Variants in RNF115 observed in about 807,000 individuals in gnomAD.
RNF115 encodes ring finger protein 115.
RNF115 carries 31 observed loss-of-function variants against 39.2 expected under a neutral mutation model. That is an observed-to-expected ratio of 0.79 (90% CI 0.59 to 1.07). The LOEUF is 1.07. RNF115 is among the 50% of genes least tolerant of loss of function. The probability of loss-of-function intolerance (pLI) is 0.00; values close to 1 mark genes in which losing one functional copy is unlikely to be tolerated. For synonymous variants in RNF115, 124 were observed against 131.0 expected (o/e 0.95, Z 0.37); for missense variants, 384 against 381.7 (o/e 1.01, Z -0.05).
intron 1 of RNF115, among the ~76,000 whole-genome samples, chr1:145,805,759 C>A (rs113036329): frequency 2.0e-5 from 3 of 151,952 alleles, no homozygotes; most frequent in Admixed American, 2.0e-4. Flanking sequence ...ATCACTAAAC[C>A]GTAGCTAGCA....
intron 1 of RNF115, 139 bp from the exon 2 acceptor site, chr1:145,789,105 T>TTC (rs1316641826): frequency 3.4e-6 from 2 of 586,438 alleles, no homozygotes; most frequent in Non-Finnish European, 6.0e-6. Context: ...AGTTTTTGTT[T>TTC]TTTTTTTTCT....
At chr1:145,805,317 A>C (rs12122368) in intron 1 of RNF115, among the ~76,000 whole-genome samples, 1 of 151,814 alleles carries the variant, frequency 6.6e-6, no homozygotes, top group African/African-American at 2.4e-5. Context: ...AAAACAATTA[A>C]TTAACTGAAT....
chr1:145,799,541 AG>A lies in RNF115; in HGVS notation c.103-10576del, dbSNP rs1325356164. On this transcript the variant is annotated intron_variant, in intron 1 of 8. Transcript: ENST00000582693. ...GCATCTTTGCCATGTTCCTGATGTT[AG>A]GGGGAAAGCTTTCGGTCTTTCACCA... 1.4e-4 allele frequency among the ~76,000 whole-genome samples: 17 copies of A among 120,578 alleles called. No individual in the cohort carries two copies. In the Admixed American group the frequency reaches 2.0e-3, roughly 14 times the overall value. 79.1% of individuals were successfully genotyped at this position (120,578 alleles called of 152,430 possible).
chr1:145,821,384 C>T lies in RNF115; in HGVS notation c.102+2388G>A, dbSNP rs587711674. 3.6e-4 allele frequency among the ~76,000 whole-genome samples: 47 copies of T among 129,238 alleles called. 7 individuals are homozygous for T. The highest frequency in any genetic ancestry group is 1.0e-3 in the African/African-American group (39 of 37,962). 84.8% of individuals were successfully genotyped at this position (129,238 alleles called of 152,430 possible). A position where few individuals can be genotyped will look rare whatever the true frequency, so the allele number is the denominator to read the frequency against. The stretch of plus-strand genomic sequence containing the variant: ...CACCTATTCAGCTTTTCAAATTATC[C>T]CTTTGAAGTAAGGACTTAAAGGTGA... On this transcript the variant is annotated intron_variant, in intron 1 of 8. Transcript: ENST00000582693.
At chr1:145,790,363 C>T (rs1648606399) in intron 1 of RNF115, among the ~76,000 whole-genome samples, 1 of 151,842 alleles carries the variant, frequency 6.6e-6, no homozygotes. Flanking sequence ...TGGTCTTGAA[C>T]TCCCGACCTC....
At chr1:145,764,821 C>A (rs1373757031) in intron 4 of RNF115, among the ~76,000 whole-genome samples, 1 of 148,006 alleles carries the variant, frequency 6.8e-6, no homozygotes, top group Non-Finnish European at 1.5e-5. Context: ...CTCCGCCCGG[C>A]CAGCCGCCCC....
chr1:145,750,517 A>G lies in RNF115; in HGVS notation c.574-17T>C, dbSNP rs1658039168. 1.2e-6 allele frequency: 2 copies of G among 1,602,496 alleles called. No homozygotes were observed. Among genetic ancestry groups the G allele is most frequent in the Non-Finnish European group, 1.7e-6 (2 of 1,169,804 alleles). On this transcript the variant is annotated splice_polypyrimidine_tract_variant and intron_variant, in intron 6 of 8. Transcript: ENST00000582693. ...TCCTAAAAGCTACAAAAAAAGAGAA[A>G]GAAAAAGACGAAGTGGCAGACATCG...
intron 1 of RNF115, among the ~76,000 whole-genome samples, chr1:145,819,268 T>G (rs1182631143): frequency 4.8e-5 from 4 of 83,666 alleles, no homozygotes; most frequent in Non-Finnish European, 8.7e-5. Context: ...AAACCTTATC[T>G]CTCAAAAAAA....
chr1:145,776,955 C>T (rs1230598617), intron 3 of RNF115, among the ~76,000 whole-genome samples: 2 of 152,166 alleles, frequency 1.3e-5, no homozygotes, highest in African/African-American at 4.8e-5. Flanking sequence ...TAGTCTTCAT[C>T]TATTAGAGAT....
intron 4 of RNF115, among the ~76,000 whole-genome samples, chr1:145,758,115 A>G (rs1553713466): frequency 6.6e-6 from 1 of 152,210 alleles, no homozygotes; most frequent in Non-Finnish European, 1.5e-5. Context: ...AATGTAGGCT[A>G]GATTTAGTGA....
chr1:145,785,973 T>G (rs1648361024), intron 2 of RNF115, among the ~76,000 whole-genome samples: 1 of 152,196 alleles, frequency 6.6e-6, no homozygotes, highest in Admixed American at 6.5e-5. Flanking sequence ...TATGTATCCA[T>G]TTGATTGCTC....
intron 4 of RNF115, among the ~76,000 whole-genome samples, chr1:145,753,685 T>G (rs1286406336): frequency 6.6e-6 from 1 of 152,188 alleles, no homozygotes; most frequent in East Asian, 1.9e-4. Flanking sequence ...AAGAAATTGT[T>G]TCACTGGATC....
At chr1:145,776,552 T>A (rs1647894524) in intron 3 of RNF115, among the ~76,000 whole-genome samples, 1 of 151,980 alleles carries the variant, frequency 6.6e-6, no homozygotes, top group South Asian at 2.1e-4. Context: ...TCAATTAGAT[T>A]TCTCAGCCAG....
At chr1:145,776,250 C>T (rs1482275377) in intron 3 of RNF115, among the ~76,000 whole-genome samples, 4 of 148,352 alleles carry the variant, frequency 2.7e-5, no homozygotes, top group Admixed American at 1.4e-4. Context: ...CTGCATACTC[C>T]GCCTCCCAGG....
intron 1 of RNF115, among the ~76,000 whole-genome samples, chr1:145,804,537 A>G (rs12123374): frequency 0.83 from 125,789 of 151,456 alleles, 52,436 homozygotes; most frequent in African/African-American, 0.88. Context: ...ACACACAATC[A>G]GACTGGAAAC....
intron 4 of RNF115, among the ~76,000 whole-genome samples, chr1:145,755,575 ATT>A (rs1658264215): frequency 1.3e-5 from 2 of 152,192 alleles, no homozygotes; most frequent in Non-Finnish European, 2.9e-5. Context: ...CTCTGAGATA[ATT>A]TGTTATATGG....
At chr1:145,822,306 G>C (rs1650295509) in intron 1 of RNF115, among the ~76,000 whole-genome samples, 1 of 121,378 alleles carries the variant, frequency 8.2e-6, no homozygotes, top group Non-Finnish European at 1.7e-5. Context: ...ATAGACAGAG[G>C]CTGTCTCAAA....
At chr1:145,747,877 A>G in intron 8 of RNF115, 118 bp downstream of exon 8, 6 of 736,304 alleles carry the variant, frequency 8.1e-6, no homozygotes, top group South Asian at 4.7e-5. Flanking sequence ...AAATAACAGT[A>G]TCAGAGTAAG....
chr1:145,779,742 A>G (rs1553717042), intron 3 of RNF115, among the ~76,000 whole-genome samples: 1 of 151,942 alleles, frequency 6.6e-6, no homozygotes, highest in Non-Finnish European at 1.5e-5. Context: ...AGCCCACTGC[A>G]ACCTCCGCCT....
Sources: gnomAD v4.1 joint callset for allele counts (sites outside exome capture counted in the v4.1 genomes callset) on GRCh38, gnomAD v4.1.1 for gene constraint, MANE v1.5 for transcripts, NCBI Gene and HGNC (gene_info 2026-07-23, HGNC 2026-07-21) for gene names.